Variants in ARHGAP10 observed in about 807,000 individuals in gnomAD.
ARHGAP10 encodes rho GTPase-activating protein 10.
In ARHGAP10, 87 loss-of-function variants were observed where a neutral mutation model predicts 108.6. The observed-to-expected ratio is 0.80, with a 90% CI of 0.67 to 0.96. The LOEUF is 0.96. Ranked by LOEUF, ARHGAP10 falls within the 40% of genes least tolerant of loss-of-function variation. ARHGAP10 has a pLI of 0.00. For missense variants in ARHGAP10, 939 were observed against 954.5 expected, an observed-to-expected ratio of 0.98 and a Z score of 0.21; for synonymous variants, 347 against 341.1, an observed-to-expected ratio of 1.02 and a Z score of -0.19.
intron 1 of ARHGAP10, among the ~76,000 whole-genome samples, chr4:147,784,011 TTATA>T (rs1257935423): frequency 7.0e-6 from 1 of 143,770 alleles, no homozygotes; most frequent in South Asian, 2.3e-4. Context: ...CATTAAATTA[TTATA>T]TAATTATATA....
chr4:148,008,313 T>C (rs769093523), intron 18 of ARHGAP10, among the ~76,000 whole-genome samples: 14 of 152,098 alleles, frequency 9.2e-5, no homozygotes, highest in Admixed American at 6.6e-4. Context: ...CCTCTGCTGA[T>C]GAAAACAAAG....
At chr4:148,019,336 C>A (rs1319293401) in intron 18 of ARHGAP10, among the ~76,000 whole-genome samples, 1 of 152,174 alleles carries the variant, frequency 6.6e-6, no homozygotes, top group Non-Finnish European at 1.5e-5. Context: ...TTATTTCTGG[C>A]TACTGTGTGC....
intron 10 of ARHGAP10, among the ~76,000 whole-genome samples, chr4:147,904,988 G>A (rs1326033854): frequency 6.6e-6 from 1 of 152,072 alleles, no homozygotes; most frequent in Non-Finnish European, 1.5e-5. Context: ...GCCAGTGATG[G>A]TGAGCATTTT....
chr4:147,948,832 G>T (rs1002817872), intron 15 of ARHGAP10, among the ~76,000 whole-genome samples: 7 of 151,816 alleles, frequency 4.6e-5, no homozygotes, highest in African/African-American at 1.7e-4. Context: ...CCGGCATGGT[G>T]GTGGGCGCCT....
At chr4:147,825,942 C>CG (rs1300858750) in intron 3 of ARHGAP10, among the ~76,000 whole-genome samples, 1 of 152,030 alleles carries the variant, frequency 6.6e-6, no homozygotes, top group Non-Finnish European at 1.5e-5. Context: ...AGATTCTAGG[C>CG]GGGGGTAGTG....
chr4:147,853,274 G>C (rs1226565067), intron 4 of ARHGAP10, among the ~76,000 whole-genome samples: 1 of 152,182 alleles, frequency 6.6e-6, no homozygotes, highest in African/African-American at 2.4e-5. Context: ...GACTCCACAC[G>C]GACAGTGGCC....
At chr4:148,067,012 G>A (rs996141066) in intron 22 of ARHGAP10, among the ~76,000 whole-genome samples, 2 of 152,166 alleles carry the variant, frequency 1.3e-5, no homozygotes, top group Non-Finnish European at 2.9e-5. Flanking sequence ...GCTGGCTGGG[G>A]CACCCCGGGT....
chr4:147,878,499 G>A (rs1002426479), intron 8 of ARHGAP10, among the ~76,000 whole-genome samples: 10 of 152,150 alleles, frequency 6.6e-5, no homozygotes, highest in African/African-American at 2.4e-4. Flanking sequence ...TAGACTAGAT[G>A]CTTCTTAGCA....
intron 1 of ARHGAP10, among the ~76,000 whole-genome samples, chr4:147,818,673 A>G (rs1228286138): frequency 6.6e-6 from 1 of 152,184 alleles, no homozygotes; most frequent in Non-Finnish European, 1.5e-5. Context: ...CTTAGTCAGA[A>G]ACTGCTTGAG....
At chr4:147,808,383 T>C (rs1173833446) in intron 1 of ARHGAP10, among the ~76,000 whole-genome samples, 1 of 151,840 alleles carries the variant, frequency 6.6e-6, no homozygotes, top group African/African-American at 2.4e-5. Context: ...TAGGTTAGCT[T>C]AGGGGTTGAT....
At chr4:148,062,011 G>A (rs1019179112) in intron 20 of ARHGAP10, among the ~76,000 whole-genome samples, 29 of 152,158 alleles carry the variant, frequency 1.9e-4, no homozygotes, top group African/African-American at 6.0e-4. Context: ...AGCAGGGCGG[G>A]GAGCTTGAGA....
At chr4:147,837,649 T>TTTTTTTTTTTTTTTTTTTTG (rs1464829511) in intron 3 of ARHGAP10, among the ~76,000 whole-genome samples, 34 of 132,252 alleles carry the variant, frequency 2.6e-4, no homozygotes, top group Non-Finnish European at 4.5e-4. Flanking sequence ...CACTGTTTTT[T>TTTTTTTTTTTTTTTTTTTTG]TTTTTTTTTT....
rs374150548 is a variant in ARHGAP10, at chr4:147,875,122, C to T, written c.804C>T (p.Ala268=). ...ACAAACGAGCAAGTCAGTTTACAGC[C>T]GAAGGCTACCTGTATGTCCAGGAAA... is the stretch of plus-strand genomic sequence containing the variant. ...KDHKRASQFT[A]EGYLYVQEKR... is the part of the protein sequence containing the mutation. The change falls in exon 8 of 23, where the codon GCC becomes GCT. Residue 268 remains alanine (A), a synonymous_variant. Transcript: ENST00000336498. The T allele has an allele frequency of 5.7e-4, 911 of 1,596,370 alleles. 16 individuals are homozygous for T. The South Asian group carries it at 9.5e-3, about 17-fold the overall frequency.
intron 1 of ARHGAP10, among the ~76,000 whole-genome samples, chr4:147,804,346 GGCCATA>G (rs1366460092): frequency 6.6e-6 from 1 of 151,874 alleles, no homozygotes; most frequent in Non-Finnish European, 1.5e-5. Flanking sequence ...TTTTTTTTAT[GGCCATA>G]TATTATTCCA....
At position 147,851,409 on chromosome 4, in the gene ARHGAP10, C is replaced by T. The variant is rs771655760; in HGVS notation, c.384+4187C>T. Among the ~76,000 whole-genome samples, 10 of 152,152 alleles carry T rather than the reference C, an allele frequency of 6.6e-5. No individual in the cohort carries two copies. The South Asian group carries it at 8.3e-4, about 13-fold the overall frequency. On this transcript the variant is annotated intron_variant, in intron 4 of 22. Coordinates refer to ENST00000336498, the MANE Select transcript of ARHGAP10 (RefSeq NM_024605.4). ...AAAATTATTTTTGTAGAGACGGTCT[C>T]TCTGTGTTGCCCAGGCTGGTCTTGA...
chr4:147,987,365 C>T (rs1335011148), intron 18 of ARHGAP10, among the ~76,000 whole-genome samples: 6 of 152,166 alleles, frequency 3.9e-5, no homozygotes, highest in East Asian at 1.9e-4. Flanking sequence ...CCTTCTAGAT[C>T]GGCAGGATTG....
intron 16 of ARHGAP10, among the ~76,000 whole-genome samples, chr4:147,956,750 CTTT>C (rs554503809): frequency 7.0e-6 from 1 of 141,976 alleles, no homozygotes; most frequent in Non-Finnish European, 1.5e-5. Context: ...TTTTTTTTTC[CTTT>C]TTTTTTTTCT....
At chr4:148,048,467 G>T (rs10006169) in intron 20 of ARHGAP10, among the ~76,000 whole-genome samples, 18,089 of 152,070 alleles carry the variant, frequency 0.12, 1,655 homozygotes, top group African/African-American at 0.26. Context: ...GAGGATTGTG[G>T]ATTTAAATCC....
At chr4:147,811,979 G>A (rs1732039724) in intron 1 of ARHGAP10, among the ~76,000 whole-genome samples, 1 of 152,204 alleles carries the variant, frequency 6.6e-6, no homozygotes, top group East Asian at 1.9e-4. Context: ...AGGCGGCTGA[G>A]CTGGTGACTG....
Sources: gnomAD v4.1 joint callset for allele counts (sites outside exome capture counted in the v4.1 genomes callset) on GRCh38, gnomAD v4.1.1 for gene constraint, MANE v1.5 for transcripts, NCBI Gene and HGNC (gene_info 2026-07-23, HGNC 2026-07-21) for gene names.